AXDND1: variants seen among roughly 807,000 people sequenced by gnomAD.
AXDND1 encodes the protein axonemal dynein light chain domain-containing protein 1.
A neutral mutation model predicts 137.5 loss-of-function variants in AXDND1; 110 were observed. The ratio of observed to expected loss-of-function variants is 0.80; its 90% CI spans 0.69 to 0.94. The LOEUF is 0.94. Among genes scored for constraint, AXDND1 ranks in the 40% least tolerant of loss-of-function variants. The probability of loss-of-function intolerance (pLI) is 0.00; values close to 1 mark genes in which losing one functional copy is unlikely to be tolerated. For synonymous variants in AXDND1, 414 were observed against 399.7 expected (o/e 1.04, Z -0.43); for missense variants, 1,191 against 1,169.8 (o/e 1.02, Z -0.26).
intron 12 of AXDND1, among the ~76,000 whole-genome samples, chr1:179,426,346 A>G (rs548591899): frequency 1.3e-5 from 2 of 152,322 alleles, no homozygotes; most frequent in African/African-American, 4.8e-5. Context: ...AAGAAATTCA[A>G]ATAGCCAATA....
At chr1:179,542,299 A>T (rs1672246685) in intron 25 of AXDND1, among the ~76,000 whole-genome samples, 1 of 152,140 alleles carries the variant, frequency 6.6e-6, no homozygotes, top group South Asian at 2.1e-4. Flanking sequence ...TAGTACTGGA[A>T]AGACATCTAC....
intron 15 of AXDND1, among the ~76,000 whole-genome samples, chr1:179,438,716 A>C (rs1334784762): frequency 6.6e-6 from 1 of 152,024 alleles, no homozygotes; most frequent in Admixed American, 6.6e-5. Flanking sequence ...ATGTGTTTGC[A>C]ATGTGCTATG....
chr1:179,478,564 G>A (rs1207110459), intron 17 of AXDND1, among the ~76,000 whole-genome samples: 1 of 152,166 alleles, frequency 6.6e-6, no homozygotes, highest in African/African-American at 2.4e-5. Flanking sequence ...CCTGGGCCTG[G>A]CCCATGAAGC....
chr1:179,488,639 C>CT (rs748125525), intron 18 of AXDND1, among the ~76,000 whole-genome samples: 3 of 50,418 alleles, frequency 6.0e-5, no homozygotes, highest in Admixed American at 2.3e-4. Context: ...TCTCTCCTTT[C>CT]TTTCTTTCTT....
Position 179,456,891 on chromosome 1 carries a change from A to T in AXDND1, c.1799-11552A>T. The T allele has an allele frequency of 3.1e-6, 3 of 966,914 alleles. No individual in the cohort carries two copies. The South Asian group carries it at 3.8e-5, about 12-fold the overall frequency. The allele number at this position is 966,914 out of a possible 1,614,324, so 59.9% of individuals were successfully genotyped here. ...GGAGTTATGATTGTCAAAGGTTACAAAGGCAAAGCCTCTTTTCTTGCCACT... is the reference window on the plus strand; with the variant it reads ...GGAGTTATGATTGTCAAAGGTTACATAGGCAAAGCCTCTTTTCTTGCCACT... On this transcript the variant is annotated intron_variant, in intron 16 of 25. Transcript: ENST00000367618.
intron 11 of AXDND1, among the ~76,000 whole-genome samples, chr1:179,398,193 A>G (rs1268174941): frequency 6.6e-6 from 1 of 152,002 alleles, no homozygotes; most frequent in Non-Finnish European, 1.5e-5. Flanking sequence ...GATGACATCG[A>G]GAGTTTGATT....
chr1:179,424,008 A>G (rs1225997453), intron 12 of AXDND1, among the ~76,000 whole-genome samples: 1 of 152,030 alleles, frequency 6.6e-6, no homozygotes, highest in African/African-American at 2.4e-5. Flanking sequence ...AGAACTCCCC[A>G]TTAGCATTTC....
intron 25 of AXDND1, chr1:179,551,814 T>A: frequency 3.6e-6 from 1 of 279,836 alleles, no homozygotes; most frequent in Non-Finnish European, 6.9e-6. Context: ...TCAGGGAAAG[T>A]GAATGGGTAA....
Position 179,385,374 on chromosome 1 carries a change from T to G in AXDND1, c.863+15T>G. ...TCTAAAGTCAGGTTAGTGCTGTTAT[T>G]GGAATGGTCCAGTTTCCTTTTGATT... On this transcript the variant is annotated intron_variant, in intron 9 of 25. Transcript: ENST00000367618. The G allele has an allele frequency of 6.2e-7, 1 of 1,613,944 alleles. No individual in the cohort carries two copies. The highest frequency in any genetic ancestry group is 8.5e-7 in the Non-Finnish European group (1 of 1,179,910).
At chr1:179,449,338 A>T (rs1660202118) in intron 16 of AXDND1, 1 of 298,050 alleles carries the variant, frequency 3.4e-6, no homozygotes, top group Admixed American at 4.6e-5. Context: ...TTAACCAGAG[A>T]TCTCTGGGCT....
Position 179,429,610 on chromosome 1 carries a change from A to ATTG in AXDND1, c.1324_1325insTGT (p.Leu441dup). Reference sequence around the variant, plus strand: ...ACACTAAGCATTTCATCATACTGCTATCAAACAAGGTAAAGGTCAATTATC... The same window carrying ATTG: ...ACACTAAGCATTTCATCATACTGCTATTGTCAAACAAGGTAAAGGTCAATTATC... On this transcript the variant is annotated inframe_insertion, in exon 13 of 26. Coordinates refer to ENST00000367618, the MANE Select transcript of AXDND1 (RefSeq NM_144696.6). 2 of 1,567,042 alleles carry ATTG rather than the reference A, an allele frequency of 1.3e-6. No homozygotes were observed. The highest frequency in any genetic ancestry group is 1.7e-6 in the Non-Finnish European group (2 of 1,160,086).
chr1:179,535,217 GT>G (rs1162446657), intron 25 of AXDND1, among the ~76,000 whole-genome samples: 14 of 148,800 alleles, frequency 9.4e-5, no homozygotes, highest in East Asian at 2.0e-4. Flanking sequence ...ACTGGCAAAG[GT>G]TTTTTTTTTC....
chr1:179,405,917 G>A (rs779860744), intron 11 of AXDND1, among the ~76,000 whole-genome samples: 1 of 151,510 alleles, frequency 6.6e-6, no homozygotes, highest in Admixed American at 6.6e-5. Flanking sequence ...TTTGGGTTTT[G>A]TTTTTTCTCT....
intron 16 of AXDND1, chr1:179,449,026 C>G (rs1660137847): frequency 2.6e-6 from 1 of 378,046 alleles, no homozygotes; most frequent in Non-Finnish European, 5.2e-6. Context: ...GCTAGGACTA[C>G]AGGTGTGTGC....
At chr1:179,502,766 G>A (rs1456807849) in intron 20 of AXDND1, among the ~76,000 whole-genome samples, 1 of 151,534 alleles carries the variant, frequency 6.6e-6, no homozygotes, top group African/African-American at 2.4e-5. Context: ...TACTAGATAA[G>A]CTCTTACACA....
chr1:179,521,128 A>G (rs1670025562), intron 21 of AXDND1, among the ~76,000 whole-genome samples: 1 of 151,742 alleles, frequency 6.6e-6, no homozygotes, highest in Non-Finnish European at 1.5e-5. Context: ...TGCCTGGCTA[A>G]TTTTTAATTT....
At chr1:179,436,849 T>C (rs151304789) in intron 15 of AXDND1, among the ~76,000 whole-genome samples, 25 of 151,584 alleles carry the variant, frequency 1.6e-4, no homozygotes, top group African/African-American at 4.6e-4. Context: ...TCCCCAAACT[T>C]AGAGTAAAAA....
chr1:179,554,396 T>C (rs1051435410), intron 25 of AXDND1, 116 bp from the exon 26 acceptor site: 125 of 1,572,834 alleles, frequency 7.9e-5, no homozygotes, highest in Non-Finnish European at 1.0e-4. Flanking sequence ...GTGAAAATAA[T>C]TTTTCAAATG....
chr1:179,520,920 TA>T (rs1490174432), intron 21 of AXDND1, among the ~76,000 whole-genome samples: 1 of 145,444 alleles, frequency 6.9e-6, no homozygotes, highest in Non-Finnish European at 1.5e-5. Context: ...ATACAGACTA[TA>T]TATATATAAT....
Sources: gnomAD v4.1 joint callset for allele counts (sites outside exome capture counted in the v4.1 genomes callset) on GRCh38, gnomAD v4.1.1 for gene constraint, MANE v1.5 for transcripts, NCBI Gene and HGNC (gene_info 2026-07-23, HGNC 2026-07-21) for gene names.